HDGFL2: variants seen among roughly 807,000 people sequenced by gnomAD.
HDGFL2 encodes the protein hepatoma-derived growth factor-related protein 2.
HDGFL2 carries 36 observed loss-of-function variants against 77.1 expected under a neutral mutation model. That is an observed-to-expected ratio of 0.47 (90% CI 0.36 to 0.62). The LOEUF (loss-of-function observed/expected upper bound fraction) is 0.62, where lower values mean the gene tolerates loss of function less well. Among genes scored for constraint, HDGFL2 ranks in the 20% least tolerant of loss-of-function variants. The pLI is 0.00. For synonymous variants in HDGFL2, 463 were observed against 413.1 expected, an observed-to-expected ratio of 1.12 and a Z score of -1.46; for missense variants, 976 against 973.4, an observed-to-expected ratio of 1.00 and a Z score of -0.04.
At chr19:4,501,424 A>G in intron 15 of HDGFL2, 107 bp downstream of exon 15, 1 of 1,348,206 alleles carries the variant, frequency 7.4e-7, no homozygotes, top group Non-Finnish European at 9.9e-7. Context: ...GATGGGTCCC[A>G]GGGATGTCGT....
At position 4,485,231 on chromosome 19, in the gene HDGFL2, G is replaced by A. The variant is rs552772700; in HGVS notation, c.289-3445G>A. On this transcript the variant is annotated intron_variant, in intron 3 of 15. Coordinates refer to ENST00000616600, the MANE Select transcript of HDGFL2 (RefSeq NM_001001520.3). Reference sequence around the variant, plus strand: ...TATCTCTCTGGATGGGCCTGTCCTGGACATTTCATAGAAATGGAATCACAC... The same window carrying A: ...TATCTCTCTGGATGGGCCTGTCCTGAACATTTCATAGAAATGGAATCACAC... Among the ~76,000 whole-genome samples the A allele has an allele frequency of 7.2e-5, 11 of 152,272 alleles. No homozygotes were observed. The East Asian group carries it at 2.1e-3, about 29-fold the overall frequency.
At chr19:4,493,332 G>A (rs964413235) in intron 6 of HDGFL2, among the ~76,000 whole-genome samples, 11 of 151,030 alleles carry the variant, frequency 7.3e-5, no homozygotes, top group Non-Finnish European at 1.3e-4. Flanking sequence ...TGTGGCGTGT[G>A]TGTTTGGCAG....
intron 6 of HDGFL2, among the ~76,000 whole-genome samples, chr19:4,492,869 TGTGTG>T (rs1297673370): frequency 2.2e-4 from 33 of 147,648 alleles, no homozygotes; most frequent in African/African-American, 7.8e-4. Context: ...GTGTGTGGTG[TGTGTG>T]GTGTGGTGTG....
At position 4,498,290 on chromosome 19, in the gene HDGFL2, C is replaced by A; in HGVS notation, c.1403-16C>A. On this transcript the variant is annotated splice_polypyrimidine_tract_variant and intron_variant, in intron 11 of 15. Transcript: ENST00000616600. ...GCCCTGCCTGGGCCCACACGGTGCT[C>A]TCTCTCCTGGCCCAGAGCCCTCCGT... 3.1e-6 allele frequency: 5 copies of A among 1,611,094 alleles called. No individual in the cohort carries two copies. Among genetic ancestry groups the A allele is most frequent in the Non-Finnish European group, 4.2e-6 (5 of 1,178,338 alleles).
Position 4,475,337 on chromosome 19 carries a change from T to G in HDGFL2, c.135T>G (p.Phe45Leu). ...CCAACAAGTACCCCATCTTTTTCTT[T>G]GGCACACACGAAACGTAAGTGTCCC... ...PPPNKYPIFF[F>L]GTHETAFLGP... The change falls in exon 2 of 16, where the codon TTT becomes TTG. Residue 45 changes from phenylalanine to leucine, a missense_variant. Coordinates refer to ENST00000616600, the MANE Select transcript of HDGFL2 (RefSeq NM_001001520.3). The G allele has an allele frequency of 6.2e-7, 1 of 1,614,096 alleles. No individual in the cohort carries two copies. Among genetic ancestry groups the G allele is most frequent in the Non-Finnish European group, 8.5e-7 (1 of 1,180,008 alleles).
chr19:4,494,374 A>G lies in HDGFL2; in HGVS notation c.1123A>G (p.Arg375Gly). 7.1e-7 allele frequency: 1 copy of G among 1,404,090 alleles called. No homozygotes were observed. 87.0% of individuals were successfully genotyped at this position (1,404,090 alleles called of 1,614,324 possible). The change falls in exon 9 of 16, where the codon AGG (arginine) becomes GGG (glycine). Residue 375 changes from arginine (R) to glycine (G), a missense_variant. By Grantham distance (125) the Arg-to-Gly change is moderately radical (BLOSUM62 -2). This residue lies in a region of HDGFL2 where 567 missense variants were observed against 534.7 expected (regional missense o/e 1.06). Coordinates refer to ENST00000616600, the MANE Select transcript of HDGFL2 (RefSeq NM_001001520.3). ...GSGGSSGDELREDDEPVKKRG... is the reference protein window; with the variant it reads ...GSGGSSGDELGEDDEPVKKRG... The stretch of plus-strand genomic sequence containing the variant: ...CGGCGGCAGCAGCGGGGACGAGCTC[A>G]GGGAGGACGATGAGCCCGTCAAGAA...
chr19:4,488,953 T>G (rs1455918291), intron 4 of HDGFL2, 77 bp downstream of exon 4: 1 of 39,464 alleles, frequency 2.5e-5, no homozygotes, highest in Non-Finnish European at 4.1e-5. Flanking sequence ...TCTCCTGCCC[T>G]TTTTTTTTTT....
intron 15 of HDGFL2, 140 bp downstream of exon 15, chr19:4,501,457 C>T: frequency 9.8e-7 from 1 of 1,015,458 alleles, no homozygotes; most frequent in South Asian, 1.8e-5. Context: ...CTCCCACCTT[C>T]ACAGCTGACC....
chr19:4,500,294 CTTTT>C (rs988832092), intron 14 of HDGFL2, among the ~76,000 whole-genome samples: 2 of 151,686 alleles, frequency 1.3e-5, no homozygotes, highest in East Asian at 3.9e-4. Context: ...TTTCTTTTTT[CTTTT>C]TTTTCTGAGA....
At chr19:4,472,459 G>GGC (rs1555684382) in intron 1 of HDGFL2, 37 bp downstream of exon 1, 22 of 440,348 alleles carry the variant, frequency 5.0e-5, no homozygotes, top group Non-Finnish European at 6.0e-5. Flanking sequence ...GTGGGGGGGG[G>GGC]GGGGGGGGCA....
In HDGFL2 at chr19:4,494,471, G is replaced by A; in HGVS notation, c.1220G>A (p.Arg407Lys). 1 of 1,386,906 alleles carries A rather than the reference G, an allele frequency of 7.2e-7. No homozygotes were observed. The highest frequency in any genetic ancestry group is 1.5e-5 in the African/African-American group (1 of 65,604). 85.9% of individuals were successfully genotyped at this position (1,386,906 alleles called of 1,614,324 possible). Residue 407 changes from arginine (R) to lysine (K), a missense_variant, in exon 9 of 16, where the codon AGA (arginine) becomes AAA (lysine). Physicochemically the swap from Arg to Lys is conservative, Grantham distance 26. Transcript: ENST00000616600. ...TCCGAGCCCGAGGCCGAGCTGGAGA[G>A]AGAGGTGAGCCGGGAGGGCGCCGGG... ...SDSEPEAELEREAKKSAKKPQ... is the reference protein window; with the variant it reads ...SDSEPEAELEKEAKKSAKKPQ...
Position 4,499,558 on chromosome 19 carries a change from C to T in HDGFL2, c.1643C>T (p.Ser548Leu), listed in dbSNP as rs771290586. 3.7e-6 allele frequency: 6 copies of T among 1,613,562 alleles called. No individual in the cohort carries two copies. Among genetic ancestry groups the T allele is most frequent in the East Asian group, 2.2e-5 (1 of 44,880 alleles). ...GCAGAAGTCTATACCCGGCTCAAGT[C>T]GCGGGTCCTCGGCCCAAAGATCGAG... ...KAAEVYTRLK[S>L]RVLGPKIEAV... The change falls in exon 14 of 16, where the codon TCG becomes TTG. Residue 548 changes from serine (S) to leucine (L), a missense_variant. By Grantham distance (145) the Ser-to-Leu change is moderately radical. Around this residue, in one of 5 missense-constraint regions of HDGFL2, gnomAD observed 229 missense variants for 187.3 expected, o/e 1.22. Transcript: ENST00000616600.
At chr19:4,499,384 C>T in intron 13 of HDGFL2, 107 bp from the exon 14 acceptor site, 2 of 911,162 alleles carry the variant, frequency 2.2e-6, no homozygotes, top group Non-Finnish European at 3.3e-6. Context: ...CAGAGCTGTG[C>T]TCCCGGGAGG....
Position 4,491,601 on chromosome 19 carries a change from C to T in HDGFL2, c.525C>T (p.Ser175=), listed in dbSNP as rs776441223. ...CGAAACGAGCCCGAAAGGCCTCCAG[C>T]GACCTGGATCAGGCCAGCGTGTCCC... ...SVSKRARKAS[S]DLDQASVSPS... The change falls in exon 5 of 16, where the codon AGC becomes AGT. Residue 175 remains serine, a synonymous_variant. Transcript: ENST00000616600. 29 of 1,613,826 alleles carry T rather than the reference C, an allele frequency of 1.8e-5. No individual in the cohort carries two copies. Among genetic ancestry groups the T allele is most frequent in the African/African-American group, 4.0e-5 (3 of 74,918 alleles).
At chr19:4,498,948 G>A in intron 13 of HDGFL2, 33 bp downstream of exon 13, 2 of 1,486,208 alleles carry the variant, frequency 1.3e-6, no homozygotes, top group Middle Eastern at 1.7e-4. Context: ...GCAGGGTGCA[G>A]TCGGGGGAGC....
chr19:4,493,034 GGT>G (rs754093135), intron 6 of HDGFL2, among the ~76,000 whole-genome samples: 15 of 130,204 alleles, frequency 1.2e-4, no homozygotes, highest in Admixed American at 2.3e-4. Context: ...ATCTGTGTGT[GGT>G]GTGTGGTATC....
At chr19:4,487,578 T>G (rs1335453682) in intron 3 of HDGFL2, among the ~76,000 whole-genome samples, 1 of 152,106 alleles carries the variant, frequency 6.6e-6, no homozygotes, top group Non-Finnish European at 1.5e-5. Flanking sequence ...CTTACAACCA[T>G]ACGCCCGTGT....
At chr19:4,492,266 T>C (rs1975535403) in intron 6 of HDGFL2, among the ~76,000 whole-genome samples, 1 of 151,996 alleles carries the variant, frequency 6.6e-6, no homozygotes, top group Non-Finnish European at 1.5e-5. Flanking sequence ...TGTGACCATG[T>C]AGGTGTGTAT....
chr19:4,502,143 C>T lies in HDGFL2; in HGVS notation c.*133C>T, dbSNP rs1423713109. 12 of 720,722 alleles carry T rather than the reference C, an allele frequency of 1.7e-5. No homozygotes were observed. Among genetic ancestry groups the T allele is most frequent in the Non-Finnish European group, 2.4e-5 (10 of 409,550 alleles). 44.6% of individuals were successfully genotyped at this position (720,722 alleles called of 1,614,324 possible). On this transcript the variant is annotated 3_prime_UTR_variant, in exon 16 of 16. Coordinates refer to ENST00000616600, the MANE Select transcript of HDGFL2 (RefSeq NM_001001520.3). ...TATTTGTTCCCTTGGGTTTTTTTTT[C>T]CTGCCTAATTTCTGTGATTTCCAAC... is the stretch of plus-strand genomic sequence containing the variant.
Sources: gnomAD v4.1 joint callset for allele counts (sites outside exome capture counted in the v4.1 genomes callset) on GRCh38, gnomAD v4.1.1 for gene constraint, gnomAD v4.1.1 regional missense constraint, MANE v1.5 for transcripts, NCBI Gene and HGNC (gene_info 2026-07-23, HGNC 2026-07-21) for gene names.